DLGAP2: variants seen among roughly 807,000 people sequenced by gnomAD.
DLGAP2 encodes the protein disks large-associated protein 2.
A neutral mutation model predicts 100.3 loss-of-function variants in DLGAP2; 26 were observed. The observed-to-expected ratio is 0.26, with a 90% CI of 0.19 to 0.36. DLGAP2 has a LOEUF of 0.36. DLGAP2 is among the 10% of genes least tolerant of loss of function. DLGAP2 has a pLI of 1.00. For missense variants in DLGAP2, 1,858 were observed against 1,453.2 expected, an observed-to-expected ratio of 1.28 and a Z score of -4.53; for synonymous variants, 886 against 630.1, an observed-to-expected ratio of 1.41 and a Z score of -6.08.
intron 6 of DLGAP2, among the ~76,000 whole-genome samples, chr8:1,569,188 T>G (rs945895282): frequency 2.6e-5 from 4 of 151,110 alleles, no homozygotes; most frequent in Non-Finnish European, 5.9e-5. Context: ...CCACTCTGCC[T>G]ATGGCCCCCA....
intron 1 of DLGAP2, chr8:740,524 T>G (rs868124366): frequency 1.2e-4 from 18 of 152,350 alleles, no homozygotes; most frequent in Middle Eastern, 6.8e-3. Context: ...TGTCTACTTA[T>G]TTCAGTTTTG....
chr8:1,593,457 A>C (rs1307591298), intron 6 of DLGAP2, among the ~76,000 whole-genome samples: 1 of 151,816 alleles, frequency 6.6e-6, no homozygotes, highest in East Asian at 1.9e-4. Context: ...TCCGTCTCAA[A>C]AATAATAATA....
At chr8:740,276 A>G (rs1353438075) in intron 1 of DLGAP2, 1 of 152,226 alleles carries the variant, frequency 6.6e-6, no homozygotes, top group Non-Finnish European at 1.5e-5. Context: ...TTTTCATAGT[A>G]TTCAATGTCT....
intron 12 of DLGAP2, among the ~76,000 whole-genome samples, chr8:1,682,477 G>GT (rs1443545296): frequency 2.3e-3 from 290 of 125,234 alleles, no homozygotes; most frequent in African/African-American, 8.9e-3. Flanking sequence ...AGGATATATA[G>GT]TATTTTTTTT....
At chr8:1,201,051 C>T (rs972855292) in intron 2 of DLGAP2, among the ~76,000 whole-genome samples, 3 of 152,108 alleles carry the variant, frequency 2.0e-5, no homozygotes, top group South Asian at 2.1e-4. Context: ...GTGGCGTGAG[C>T]GGCCAGGCGG....
chr8:941,615 C>G (rs1254601351), intron 2 of DLGAP2, among the ~76,000 whole-genome samples: 1 of 152,170 alleles, frequency 6.6e-6, no homozygotes, highest in Non-Finnish European at 1.5e-5. Context: ...TTCTGGAGAT[C>G]TAATTCTCAG....
intron 3 of DLGAP2, among the ~76,000 whole-genome samples, chr8:1,339,104 C>T (rs1801360050): frequency 2.7e-5 from 4 of 147,668 alleles, no homozygotes; most frequent in South Asian, 2.2e-4. Context: ...CTCAGCGTGG[C>T]GTCAGGACCC....
chr8:1,272,786 C>G (rs888007862), intron 3 of DLGAP2, among the ~76,000 whole-genome samples: 2 of 152,130 alleles, frequency 1.3e-5, no homozygotes, highest in African/African-American at 2.4e-5. Context: ...AGACGGCTCT[C>G]TAGAGCTGTC....
intron 3 of DLGAP2, among the ~76,000 whole-genome samples, chr8:1,477,340 G>A (rs1430126500): frequency 6.6e-6 from 1 of 152,160 alleles, no homozygotes; most frequent in Non-Finnish European, 1.5e-5. Flanking sequence ...GCTGTGGAAG[G>A]CCAGCTGGAC....
At chr8:814,937 A>T (rs553370768) in intron 1 of DLGAP2, among the ~76,000 whole-genome samples, 1 of 152,028 alleles carries the variant, frequency 6.6e-6, no homozygotes, top group Non-Finnish European at 1.5e-5. Flanking sequence ...GATCAGATAT[A>T]TCTGAAGAAA....
chr8:1,173,178 G>A (rs62488984), intron 2 of DLGAP2, among the ~76,000 whole-genome samples: 14,797 of 152,158 alleles, frequency 0.097, 863 homozygotes, highest in East Asian at 0.23. Context: ...TATCGGCAGC[G>A]GTGTCCGCAG....
At chr8:1,174,461 G>GTCATCATTACCATTACCATCATCA (rs1563231114) in intron 2 of DLGAP2, among the ~76,000 whole-genome samples, 1 of 140,784 alleles carries the variant, frequency 7.1e-6, no homozygotes, top group Non-Finnish European at 1.5e-5. Context: ...AATCATTATC[G>GTCATCATTACCATTACCATCATCA]TCATCATTAC....
intron 2 of DLGAP2, among the ~76,000 whole-genome samples, chr8:1,101,561 C>T (rs1335031479): frequency 6.6e-6 from 1 of 152,130 alleles, no homozygotes; most frequent in African/African-American, 2.4e-5. Flanking sequence ...GGCAGACGCT[C>T]AGTCTGGGAA....
intron 1 of DLGAP2, among the ~76,000 whole-genome samples, chr8:750,259 C>T (rs562948223): frequency 5.9e-5 from 9 of 152,324 alleles, no homozygotes; most frequent in East Asian, 1.9e-4. Context: ...CTGGCCGTGC[C>T]GCATCCTTGC....
rs536987423 is a variant in DLGAP2, at chr8:903,936, C to A, written c.19-3976C>A. 2.0e-5 allele frequency among the ~76,000 whole-genome samples: 3 copies of A among 152,196 alleles called. No homozygotes were observed. In the South Asian group the frequency reaches 6.2e-4, roughly 32 times the overall value. ...AGGGACCCTCTGTTCCCCTGGAGGGCGGAGCTGCACGGGAGGCATCAGGGA... is the reference window on the plus strand; with the variant it reads ...AGGGACCCTCTGTTCCCCTGGAGGGAGGAGCTGCACGGGAGGCATCAGGGA... On this transcript the variant is annotated intron_variant, in intron 1 of 14. Transcript: ENST00000637795.
intron 2 of DLGAP2, among the ~76,000 whole-genome samples, chr8:1,084,163 A>G (rs1803898687): frequency 6.6e-6 from 1 of 152,200 alleles, no homozygotes; most frequent in Non-Finnish European, 1.5e-5. Flanking sequence ...TTTATAGTGA[A>G]GTTAAGATTC....
intron 3 of DLGAP2, among the ~76,000 whole-genome samples, chr8:1,314,248 T>C (rs1237780654): frequency 2.6e-5 from 4 of 152,184 alleles, no homozygotes; most frequent in Non-Finnish European, 4.4e-5. Flanking sequence ...TACTGTTGAG[T>C]TAGACACGTG....
At chr8:1,589,046 C>T (rs139143406) in intron 6 of DLGAP2, among the ~76,000 whole-genome samples, 2 of 152,210 alleles carry the variant, frequency 1.3e-5, no homozygotes, top group African/African-American at 4.8e-5. Flanking sequence ...TTGACACACA[C>T]AAACTATCAC....
At chr8:1,090,658 T>C (rs1242408653) in intron 2 of DLGAP2, among the ~76,000 whole-genome samples, 1 of 152,224 alleles carries the variant, frequency 6.6e-6, no homozygotes, top group Admixed American at 6.5e-5. Flanking sequence ...CTCCAGAGGC[T>C]GCTGTGCAGG....
Sources: allele counts gnomAD v4.1 joint callset (sites outside exome capture counted in the v4.1 genomes callset), GRCh38; gene constraint gnomAD v4.1.1; transcripts MANE v1.5; gene names NCBI Gene and HGNC (gene_info 2026-07-23, HGNC 2026-07-21).